AOAH: variants seen among roughly 807,000 people sequenced by gnomAD.
AOAH encodes the protein acyloxyacyl hydrolase, also known as acyloxyacyl hydrolase (neutrophil).
Under a neutral mutation model 92.2 loss-of-function variants are expected in AOAH, and 64 were observed. The observed-to-expected ratio is 0.69, with a 90% confidence interval of 0.57 to 0.86. The LOEUF (loss-of-function observed/expected upper bound fraction) is 0.86. Ranked by LOEUF, AOAH falls within the 40% of genes least tolerant of loss-of-function variation. AOAH has a pLI of 0.00. For missense variants in AOAH, 656 were observed against 694.6 expected (o/e 0.94, Z 0.62); for synonymous variants, 263 against 254.5 (o/e 1.03, Z -0.32).
intron 13 of AOAH, among the ~76,000 whole-genome samples, chr7:36,572,450 T>G (rs1986833): frequency 0.09 from 13,634 of 151,568 alleles, 721 homozygotes; most frequent in Admixed American, 0.14. Context: ...TTGAGCCCAG[T>G]TGTTTGAGGT....
intron 2 of AOAH, among the ~76,000 whole-genome samples, chr7:36,685,917 T>C (rs1475958344): frequency 2.0e-5 from 3 of 152,138 alleles, no homozygotes; most frequent in African/African-American, 7.2e-5. Context: ...TTTGATGCTA[T>C]TGGCACAGCA....
At chr7:36,684,204 C>T (rs1796824834) in intron 2 of AOAH, among the ~76,000 whole-genome samples, 1 of 152,130 alleles carries the variant, frequency 6.6e-6, no homozygotes, top group African/African-American at 2.4e-5. Context: ...GTTACTGAGG[C>T]TCATGTGCAA....
chr7:36,561,926 G>A (rs1230547988), intron 13 of AOAH, among the ~76,000 whole-genome samples: 3 of 152,090 alleles, frequency 2.0e-5, no homozygotes, highest in Admixed American at 2.0e-4. Context: ...CGAGACCAAC[G>A]GCAATTGGCT....
At chr7:36,514,355 T>C in intron 20 of AOAH, 3 of 627,612 alleles carry the variant, frequency 4.8e-6, no homozygotes, top group African/African-American at 2.9e-5. Context: ...CCTGACTGGG[T>C]GGGGGGTGGG....
At chr7:36,706,653 C>T (rs1798432477) in intron 1 of AOAH, among the ~76,000 whole-genome samples, 1 of 152,134 alleles carries the variant, frequency 6.6e-6, no homozygotes, top group Admixed American at 6.6e-5. Context: ...GCTATTTTGT[C>T]TACATCAACA....
chr7:36,555,279 G>T (rs1314309495), intron 13 of AOAH, among the ~76,000 whole-genome samples: 6 of 152,060 alleles, frequency 3.9e-5, no homozygotes, highest in African/African-American at 1.5e-4. Flanking sequence ...TTATATGCTG[G>T]ATTACATTTA....
At chr7:36,526,355 G>C (rs1487142048) in intron 19 of AOAH, among the ~76,000 whole-genome samples, 1 of 152,230 alleles carries the variant, frequency 6.6e-6, no homozygotes, top group Non-Finnish European at 1.5e-5. Flanking sequence ...GGGAGCTTCA[G>C]TAACTCACAG....
chr7:36,641,487 C>T (rs1793915341), intron 4 of AOAH, among the ~76,000 whole-genome samples: 2 of 152,150 alleles, frequency 1.3e-5, no homozygotes, highest in African/African-American at 4.8e-5. Context: ...ATGTAGGCAA[C>T]AAGTGCCTGT....
At chr7:36,602,594 C>T (rs569034384) in intron 11 of AOAH, among the ~76,000 whole-genome samples, 1 of 149,416 alleles carries the variant, frequency 6.7e-6, no homozygotes, top group Non-Finnish European at 1.5e-5. Flanking sequence ...CTTCCACAAA[C>T]AGAAAAAAAA....
At chr7:36,527,986 T>C (rs896193767) in intron 19 of AOAH, among the ~76,000 whole-genome samples, 2 of 152,230 alleles carry the variant, frequency 1.3e-5, no homozygotes, top group African/African-American at 2.4e-5. Flanking sequence ...CCACGGTTCC[T>C]GAAAACCAGA....
intron 6 of AOAH, among the ~76,000 whole-genome samples, chr7:36,624,477 G>A (rs531040416): frequency 6.6e-6 from 1 of 152,308 alleles, no homozygotes; most frequent in South Asian, 2.1e-4. Context: ...AGGCCTCTTT[G>A]GTCAAACACT....
chr7:36,623,882 T>A (rs775152541), intron 6 of AOAH, among the ~76,000 whole-genome samples: 21 of 152,168 alleles, frequency 1.4e-4, no homozygotes, highest in Middle Eastern at 6.3e-3. Context: ...AGAAAATCAC[T>A]TACACAGTAG....
At chr7:36,672,320 G>A (rs1795986058) in intron 3 of AOAH, among the ~76,000 whole-genome samples, 3 of 152,280 alleles carry the variant, frequency 2.0e-5, no homozygotes, top group African/African-American at 7.2e-5. Context: ...CTGCTGTAAG[G>A]CTAATGGCCC....
intron 16 of AOAH, among the ~76,000 whole-genome samples, chr7:36,535,024 C>CTGTGTCTGTGTG (rs1784938701): frequency 6.9e-6 from 1 of 144,906 alleles, no homozygotes; most frequent in African/African-American, 2.6e-5. Context: ...GTGTCTGTGT[C>CTGTGTCTGTGTG]TGTGTGTGTG....
chr7:36,523,627 C>CTTTTTTT (rs549876326), intron 19 of AOAH, among the ~76,000 whole-genome samples: 2 of 39,672 alleles, frequency 5.0e-5, no homozygotes, highest in Non-Finnish European at 5.0e-5. Context: ...CCTGTTTTGC[C>CTTTTTTT]TGTTTTTTTT....
At chr7:36,676,402 CA>C (rs1254388830) in intron 2 of AOAH, among the ~76,000 whole-genome samples, 2 of 151,862 alleles carry the variant, frequency 1.3e-5, no homozygotes, top group Non-Finnish European at 2.9e-5. Context: ...CAAACTTAAC[CA>C]AAAAAAGTGC....
At chr7:36,610,937 A>T (rs1791409944) in intron 11 of AOAH, among the ~76,000 whole-genome samples, 1 of 152,234 alleles carries the variant, frequency 6.6e-6, no homozygotes, top group South Asian at 2.1e-4. Flanking sequence ...ACATAGCTCA[A>T]TTGAAAACAG....
At chr7:36,572,698 G>C (rs758588008) in intron 13 of AOAH, among the ~76,000 whole-genome samples, 5 of 152,174 alleles carry the variant, frequency 3.3e-5, no homozygotes, top group Non-Finnish European at 7.4e-5. Context: ...GCCCCATGAA[G>C]CTCAGGTATG....
chr7:36,542,799 T>TATAATAAC (rs1785497424), intron 15 of AOAH, among the ~76,000 whole-genome samples: 1 of 152,214 alleles, frequency 6.6e-6, no homozygotes, highest in Admixed American at 6.5e-5. Context: ...CCATTAGGAA[T>TATAATAAC]ATAATAACTA....
Sources: allele counts gnomAD v4.1 joint callset (sites outside exome capture counted in the v4.1 genomes callset), GRCh38; gene constraint gnomAD v4.1.1; transcripts MANE v1.5; gene names NCBI Gene and HGNC (gene_info 2026-07-23, HGNC 2026-07-21).